Variants in DIAPH1 observed in about 807,000 individuals in gnomAD.
DIAPH1 encodes diaphanous related formin 1.
A neutral mutation model predicts 140.7 loss-of-function variants in DIAPH1; 46 were observed. The ratio of observed to expected loss-of-function variants is 0.33; its 90% CI spans 0.26 to 0.42. The LOEUF (loss-of-function observed/expected upper bound fraction) is 0.42. Among genes scored for constraint, DIAPH1 ranks in the 10% least tolerant of loss-of-function variants. The probability of loss-of-function intolerance (pLI) is 1.00; values close to 1 mark genes in which losing one functional copy is unlikely to be tolerated. For synonymous variants in DIAPH1, 565 were observed against 551.6 expected (o/e 1.02, Z -0.34); for missense variants, 1,310 against 1,558.7 (o/e 0.84, Z 2.69).
At chr5:141,573,466 G>A in intron 16 of DIAPH1, 26 bp downstream of exon 16, 1 of 1,595,348 alleles carries the variant, frequency 6.3e-7, no homozygotes. Context: ...AGATTGACTG[G>A]TGAAGAAATA....
At position 141,618,855 on chromosome 5, in the gene DIAPH1, G is replaced by T. The variant is rs775839430; in HGVS notation, c.60C>A (p.Gly20=). 1 of 1,535,584 alleles carries T rather than the reference G, an allele frequency of 6.5e-7. No individual in the cohort carries two copies. Among genetic ancestry groups the T allele is most frequent in the Admixed American group, 2.0e-5 (1 of 49,716 alleles). The stretch of plus-strand genomic sequence containing the variant: ...CCGAGGGCAGCTCATCTGGGCTCCG[G>T]CCCTTCTTCTTGTCCCGGGTCCCGC... ...PGRGTRDKKK[G]RSPDELPSAG... The change falls in exon 1 of 28, where the codon GGC becomes GGA. Residue 20 remains glycine (G), a synonymous_variant. Coordinates refer to ENST00000389054, the MANE Select transcript of DIAPH1 (RefSeq NM_005219.5).
chr5:141,579,067 A>G (rs2099896368), intron 9 of DIAPH1, 21 bp downstream of exon 9: 1 of 1,570,710 alleles, frequency 6.4e-7, no homozygotes. Context: ...TCTTGGGCCC[A>G]GTTTCAGGGG....
At chr5:141,582,436 A>G (rs553210125) in intron 6 of DIAPH1, 61 bp from the exon 7 acceptor site, 2 of 1,283,550 alleles carry the variant, frequency 1.6e-6, no homozygotes, top group South Asian at 1.2e-5. Flanking sequence ...CCCATTTTTA[A>G]TCTTGCAAAC....
intron 27 of DIAPH1, among the ~76,000 whole-genome samples, chr5:141,522,397 T>A (rs1286439258): frequency 6.6e-6 from 1 of 152,024 alleles, no homozygotes; most frequent in Non-Finnish European, 1.5e-5. Context: ...CCTCCACCTG[T>A]GAGTTCTGAT....
intron 23 of DIAPH1, among the ~76,000 whole-genome samples, 165 bp downstream of exon 23, chr5:141,528,288 C>T (rs1352527238): frequency 6.6e-6 from 1 of 152,192 alleles, no homozygotes; most frequent in Admixed American, 6.5e-5. Flanking sequence ...AAGATCTCTC[C>T]TCAGCCATAC....
chr5:141,582,014 C>G, intron 7 of DIAPH1: 1 of 259,992 alleles, frequency 3.8e-6, no homozygotes, highest in South Asian at 4.7e-5. Context: ...GAGCCGAGAT[C>G]GAGCCACAGC....
intron 18 of DIAPH1, among the ~76,000 whole-genome samples, chr5:141,569,115 G>A (rs986242818): frequency 3.3e-5 from 5 of 152,132 alleles, no homozygotes; most frequent in Admixed American, 6.5e-5. Flanking sequence ...TCCTGAAGGC[G>A]GCATATCCCC....
intron 1 of DIAPH1, among the ~76,000 whole-genome samples, chr5:141,605,295 A>C (rs891624863): frequency 6.6e-6 from 1 of 152,162 alleles, no homozygotes; most frequent in Non-Finnish European, 1.5e-5. Context: ...GTAAACTATA[A>C]AGGCAATGTT....
chr5:141,525,297 G>C (rs1054409078), intron 26 of DIAPH1, among the ~76,000 whole-genome samples: 14 of 152,258 alleles, frequency 9.2e-5, no homozygotes, highest in African/African-American at 3.4e-4. Context: ...TTTGCAGAAG[G>C]TTTGTGGCCC....
At chr5:141,599,338 T>C (rs1404465267) in intron 1 of DIAPH1, among the ~76,000 whole-genome samples, 1 of 152,206 alleles carries the variant, frequency 6.6e-6, no homozygotes, top group African/African-American at 2.4e-5. Flanking sequence ...TAAGCCTGTA[T>C]TTCATTACTT....
At chr5:141,554,793 T>G (rs2099892303) in intron 18 of DIAPH1, among the ~76,000 whole-genome samples, 1 of 152,142 alleles carries the variant, frequency 6.6e-6, no homozygotes, top group Middle Eastern at 3.2e-3. Flanking sequence ...AAGTAGAAAA[T>G]TATATGATCA....
At position 141,524,155 on chromosome 5, in the gene DIAPH1, C is replaced by T; in HGVS notation, c.3649G>A (p.Gly1217Arg). 1 of 1,614,128 alleles carries T rather than the reference C, an allele frequency of 6.2e-7. No homozygotes were observed. Reference sequence around the variant, plus strand: ...TGTGCTTACTTACCTTGACGGGGCCCTCTCTTCCGTCGGAATGCTGCCCCT... The same window carrying T: ...TGTGCTTACTTACCTTGACGGGGCCTTCTCTTCCGTCGGAATGCTGCCCCT... ...QSGAAFRRKR[G>R]PRQANRKAGC... The change falls in exon 27 of 28, where the codon GGG (glycine) becomes AGG (arginine). Residue 1217 changes from glycine (G) to arginine (R), a missense_variant. Around this residue, in one of 3 missense-constraint regions of DIAPH1, gnomAD observed 344 missense variants for 512.2 expected, o/e 0.67. Coordinates refer to ENST00000389054, the MANE Select transcript of DIAPH1 (RefSeq NM_005219.5).
intron 1 of DIAPH1, among the ~76,000 whole-genome samples, chr5:141,594,047 C>T (rs951730811): frequency 8.5e-5 from 13 of 152,188 alleles, no homozygotes; most frequent in East Asian, 1.9e-4. Context: ...CTGCCCACCT[C>T]GGCCTCCCAA....
chr5:141,556,092 C>A (rs972269029), intron 18 of DIAPH1, among the ~76,000 whole-genome samples: 1 of 152,174 alleles, frequency 6.6e-6, no homozygotes, highest in Non-Finnish European at 1.5e-5. Context: ...TAAGCAAGAA[C>A]TTTCATCTGA....
intron 1 of DIAPH1, among the ~76,000 whole-genome samples, chr5:141,601,346 C>T (rs373896677): frequency 5.9e-5 from 9 of 151,772 alleles, no homozygotes; most frequent in South Asian, 2.1e-4. Context: ...GGCTAACGTG[C>T]GGTGTGATCT....
rs2099886972 is a variant in DIAPH1 at position 141,524,311 on chromosome 5, G to C, written c.3575-82C>G. 5 of 1,309,450 alleles carry C rather than the reference G, an allele frequency of 3.8e-6. No homozygotes were observed. The South Asian group carries it at 4.7e-5, about 12-fold the overall frequency. The allele number at this position is 1,309,450 out of a possible 1,614,324, so 81.1% of individuals were successfully genotyped here. A position where few individuals can be genotyped will look rare whatever the true frequency, so the allele number is the denominator to read the frequency against. On this transcript the variant is annotated intron_variant, in intron 26 of 27. Transcript: ENST00000389054. Reference sequence around the variant, plus strand: ...TATCAAGCCCCACACAAAATGAATGGCTATTGCTTGATTTCCCCTCTCCCA... The same window carrying C: ...TATCAAGCCCCACACAAAATGAATGCCTATTGCTTGATTTCCCCTCTCCCA...
intron 24 of DIAPH1, 139 bp from the exon 25 acceptor site, chr5:141,526,600 G>C (rs1162459807): frequency 1.1e-6 from 1 of 933,776 alleles, no homozygotes; most frequent in Non-Finnish European, 1.7e-6. Context: ...AAAAACCAAA[G>C]CCATGTAGGT....
intron 10 of DIAPH1, 35 bp downstream of exon 10, chr5:141,578,480 C>T: frequency 6.4e-7 from 1 of 1,572,378 alleles, no homozygotes; most frequent in Non-Finnish European, 8.8e-7. Flanking sequence ...AAGAAGGAAC[C>T]AGTCTAGCCT....
intron 1 of DIAPH1, among the ~76,000 whole-genome samples, chr5:141,591,703 T>G (rs751815324): frequency 0.041 from 3,142 of 76,428 alleles, 255 homozygotes; most frequent in East Asian, 0.063. Flanking sequence ...GGGATATATA[T>G]ATATATATAT....
Sources: gnomAD v4.1 joint callset for allele counts (sites outside exome capture counted in the v4.1 genomes callset) on GRCh38, gnomAD v4.1.1 for gene constraint, gnomAD v4.1.1 regional missense constraint, MANE v1.5 for transcripts, NCBI Gene and HGNC (gene_info 2026-07-23, HGNC 2026-07-21) for gene names.